The following AFF3 variants were observed in gnomAD, a reference collection of about 807,000 sequenced individuals.
The protein encoded by AFF3 is ALF transcription elongation factor 3.
A neutral mutation model predicts 129.7 loss-of-function variants in AFF3; 32 were observed. The ratio of observed to expected loss-of-function variants is 0.25; its 90% CI spans 0.19 to 0.33. AFF3 has a LOEUF of 0.33. Among genes scored for constraint, AFF3 ranks in the 10% least tolerant of loss-of-function variants. The pLI, the probability that AFF3 is intolerant of heterozygous loss-of-function variation, is 1.00. For synonymous variants in AFF3, 644 were observed against 635.4 expected (o/e 1.01, Z -0.20); for missense variants, 1,373 against 1,592.0 (o/e 0.86, Z 2.34).
intron 4 of AFF3, among the ~76,000 whole-genome samples, chr2:100,103,803 A>T (rs1690965579): frequency 6.6e-6 from 1 of 151,930 alleles, no homozygotes; most frequent in Non-Finnish European, 1.5e-5. Flanking sequence ...ACCCCGAGGA[A>T]AGGAGTCTCC....
chr2:99,838,297 A>G (rs1007507976), intron 7 of AFF3, among the ~76,000 whole-genome samples: 1 of 151,990 alleles, frequency 6.6e-6, no homozygotes, highest in Admixed American at 6.5e-5. Flanking sequence ...TCTCAGGGAG[A>G]TCACTTCTCT....
chr2:99,700,100 G>A lies in AFF3; in HGVS notation c.1091+26977C>T, dbSNP rs1490369588. ...TGAGTCTGTGGGAGAACATCCAGCT[G>A]CTGCAACTTGCTTCAAAGCCTCCTT... On this transcript the variant is annotated intron_variant, in intron 11 of 24. Coordinates refer to ENST00000672756, the MANE Select transcript of AFF3 (RefSeq NM_001386135.1). 2.7e-5 allele frequency among the ~76,000 whole-genome samples: 4 copies of A among 149,732 alleles called. No individual in the cohort carries two copies. The South Asian group carries it at 8.5e-4, about 32-fold the overall frequency.
At chr2:99,708,139 A>G (rs1174836763) in intron 11 of AFF3, among the ~76,000 whole-genome samples, 1 of 152,224 alleles carries the variant, frequency 6.6e-6, no homozygotes. Flanking sequence ...TGCATGGGAC[A>G]TACATATTGT....
At chr2:99,835,106 C>A (rs1160002615) in intron 8 of AFF3, among the ~76,000 whole-genome samples, 1 of 152,150 alleles carries the variant, frequency 6.6e-6, no homozygotes, top group Non-Finnish European at 1.5e-5. Flanking sequence ...CGTAAGCGCA[C>A]CACCAAGCAT....
intron 4 of AFF3, among the ~76,000 whole-genome samples, chr2:100,079,940 T>A (rs1688913225): frequency 6.6e-6 from 1 of 152,206 alleles, no homozygotes; most frequent in Admixed American, 6.5e-5. Context: ...GATCTTATTT[T>A]CCTTGCTCTT....
intron 7 of AFF3, among the ~76,000 whole-genome samples, chr2:99,982,515 T>C (rs1284923032): frequency 1.3e-5 from 2 of 152,158 alleles, no homozygotes; most frequent in Non-Finnish European, 2.9e-5. Flanking sequence ...AACAAACTAA[T>C]ACAGTGACCA....
chr2:99,826,125 A>C (rs4521099), intron 8 of AFF3, among the ~76,000 whole-genome samples: 134,460 of 152,150 alleles, frequency 0.88, 59,598 homozygotes, highest in African/African-American at 0.96. Flanking sequence ...GGTGACTCTC[A>C]TGCCTCAGCC....
chr2:99,901,556 C>A (rs1185556871), intron 7 of AFF3, among the ~76,000 whole-genome samples: 1 of 152,176 alleles, frequency 6.6e-6, no homozygotes, highest in Non-Finnish European at 1.5e-5. Flanking sequence ...GCAACTCCAC[C>A]CTTCCCACTG....
Position 100,007,207 on chromosome 2 carries a change from C to G in AFF3, c.428G>C (p.Arg143Thr). ...AGCCTTCTGCCAGCCCATAGTGCCT[C>G]TCTTACTCTGCTGCACGGGGACAGC... is the stretch of plus-strand genomic sequence containing the variant. Reference protein sequence around the residue: ...PAAVPVQQSKRGTMGWQKAGH... With the variant: ...PAAVPVQQSKTGTMGWQKAGH... The change falls in exon 6 of 25, where the codon AGA becomes ACA. Residue 143 changes from arginine (R) to threonine (T), a missense_variant. Coordinates refer to ENST00000672756, the MANE Select transcript of AFF3 (RefSeq NM_001386135.1). 1 of 1,614,162 alleles carries G rather than the reference C, an allele frequency of 6.2e-7. No homozygotes were observed. The highest frequency in any genetic ancestry group is 8.5e-7 in the Non-Finnish European group (1 of 1,180,044).
At chr2:99,839,850 T>A (rs1354742195) in intron 7 of AFF3, among the ~76,000 whole-genome samples, 1 of 152,110 alleles carries the variant, frequency 6.6e-6, no homozygotes, top group Non-Finnish European at 1.5e-5. Context: ...GACCTTGTGA[T>A]CTGTCCGCCT....
intron 13 of AFF3, among the ~76,000 whole-genome samples, chr2:99,632,446 C>A (rs117963940): frequency 1.3e-5 from 2 of 152,158 alleles, no homozygotes; most frequent in East Asian, 1.9e-4. Flanking sequence ...GAAGGAGGCA[C>A]CACCTGTAAT....
intron 7 of AFF3, among the ~76,000 whole-genome samples, chr2:99,943,915 A>C (rs1429518001): frequency 6.8e-6 from 1 of 147,554 alleles, no homozygotes; most frequent in African/African-American, 2.5e-5. Context: ...CTGTATTCCA[A>C]TTTTTTTTTT....
At chr2:100,065,083 T>C (rs758350821) in intron 4 of AFF3, among the ~76,000 whole-genome samples, 1 of 152,206 alleles carries the variant, frequency 6.6e-6, no homozygotes, top group Non-Finnish European at 1.5e-5. Context: ...CCACACAGCA[T>C]CCTGCTAGCT....
chr2:100,042,586 C>A (rs1291003471), intron 4 of AFF3, among the ~76,000 whole-genome samples: 1 of 151,668 alleles, frequency 6.6e-6, no homozygotes, highest in Non-Finnish European at 1.5e-5. Flanking sequence ...AACAAGTGGA[C>A]AAATAGCCAA....
At chr2:99,663,694 T>C (rs1374882521) in intron 12 of AFF3, among the ~76,000 whole-genome samples, 1 of 152,120 alleles carries the variant, frequency 6.6e-6, no homozygotes. Context: ...AAGAGAAAAA[T>C]GTGGCAACAG....
rs376032718 is a variant in AFF3 at position 99,621,000 on chromosome 2, CTCTTT to C, written c.1185-19384_1185-19380del. Among the ~76,000 whole-genome samples the C allele has an allele frequency of 6.0e-4, 91 of 152,348 alleles. 1 individual carries two copies. Among genetic ancestry groups the C allele is most frequent in the African/African-American group, 1.8e-3 (76 of 41,576 alleles). ...CTGCAGAACCATGAGCCAAATAAAT[CTCTTT>C]TCTTTATAAATTACCTGGCCTCAGG... On this transcript the variant is annotated intron_variant, in intron 13 of 24. Coordinates refer to ENST00000672756, the MANE Select transcript of AFF3 (RefSeq NM_001386135.1).
At chr2:99,671,527 T>C (rs1318841695) in intron 12 of AFF3, among the ~76,000 whole-genome samples, 1 of 151,740 alleles carries the variant, frequency 6.6e-6, no homozygotes, top group Non-Finnish European at 1.5e-5. Flanking sequence ...AAATTCTCCT[T>C]TGACTTTTAT....
chr2:100,050,159 C>A (rs1237763470), intron 4 of AFF3, among the ~76,000 whole-genome samples: 1 of 151,640 alleles, frequency 6.6e-6, no homozygotes, highest in Non-Finnish European at 1.5e-5. Flanking sequence ...GATCACACCA[C>A]TGCACTCCAG....
chr2:99,966,443 C>A (rs1264757334), intron 7 of AFF3, among the ~76,000 whole-genome samples: 1 of 151,824 alleles, frequency 6.6e-6, no homozygotes, highest in African/African-American at 2.4e-5. Flanking sequence ...GTAATCCCAA[C>A]ACTTTGGGAG....
Sources: gnomAD v4.1 joint callset for allele counts (sites outside exome capture counted in the v4.1 genomes callset) on GRCh38, gnomAD v4.1.1 for gene constraint, MANE v1.5 for transcripts, NCBI Gene and HGNC (gene_info 2026-07-23, HGNC 2026-07-21) for gene names.